DPP10: variants seen among roughly 807,000 people sequenced by gnomAD.
The protein encoded by DPP10 is dipeptidyl peptidase like 10.
Under a neutral mutation model 120.9 loss-of-function variants are expected in DPP10, and 33 were observed. The observed-to-expected ratio is 0.27, with a 90% CI of 0.21 to 0.37. The LOEUF is 0.37. Ranked by LOEUF, DPP10 falls within the 10% of genes least tolerant of loss-of-function variation. DPP10 has a pLI of 1.00. For missense variants in DPP10, 816 were observed against 942.8 expected, an observed-to-expected ratio of 0.87 and a Z score of 1.76; for synonymous variants, 337 against 326.1, an observed-to-expected ratio of 1.03 and a Z score of -0.36.
chr2:115,636,962 G>A (rs1342590322), intron 5 of DPP10, among the ~76,000 whole-genome samples: 2 of 152,130 alleles, frequency 1.3e-5, no homozygotes, highest in African/African-American at 2.4e-5. Flanking sequence ...ACAGCCATTA[G>A]AAACCTAAAT....
At position 115,645,417 on chromosome 2, in the gene DPP10, G is replaced by A. The variant is rs117863609; in HGVS notation, c.442-44270G>A. Among the ~76,000 whole-genome samples the A allele has an allele frequency of 8.1e-3, 1,233 of 152,250 alleles. 30 individuals are homozygous for A. Among genetic ancestry groups the A allele is most frequent in the East Asian group, 0.049 (254 of 5,172 alleles). Reference sequence around the variant, plus strand: ...CTACACCCTCTTTCAGATGAGTCCTGTGATACTCAGGGCTTCCCAATCCCC... The same window carrying A: ...CTACACCCTCTTTCAGATGAGTCCTATGATACTCAGGGCTTCCCAATCCCC... On this transcript the variant is annotated intron_variant, in intron 5 of 25. Transcript: ENST00000410059.
intron 3 of DPP10, among the ~76,000 whole-genome samples, chr2:115,483,889 A>G (rs1208201885): frequency 6.6e-6 from 1 of 152,004 alleles, no homozygotes; most frequent in Non-Finnish European, 1.5e-5. Context: ...TGCTGCCAAC[A>G]TGTTTTTCCC....
intron 7 of DPP10, among the ~76,000 whole-genome samples, chr2:115,718,923 C>T (rs1037312487): frequency 8.6e-5 from 13 of 151,882 alleles, no homozygotes; most frequent in African/African-American, 2.7e-4. Context: ...CACTTCGACC[C>T]GCATAAATCA....
At chr2:115,011,511 A>G (rs1004401795) in intron 1 of DPP10, among the ~76,000 whole-genome samples, 1 of 152,184 alleles carries the variant, frequency 6.6e-6, no homozygotes, top group Admixed American at 6.5e-5. Flanking sequence ...CCATGGTAAT[A>G]TTGTTTGCTC....
At chr2:114,942,320 T>TATATATATAC (rs869121143) in intron 1 of DPP10, among the ~76,000 whole-genome samples, 131 of 123,968 alleles carry the variant, frequency 1.1e-3, no homozygotes, top group African/African-American at 3.6e-3. Context: ...TATATATATA[T>TATATATATAC]ACACACACAT....
chr2:115,793,673 T>G (rs1362947713), intron 19 of DPP10, among the ~76,000 whole-genome samples: 1 of 151,940 alleles, frequency 6.6e-6, no homozygotes, highest in Non-Finnish European at 1.5e-5. Flanking sequence ...CTTTGCTACT[T>G]TTTTGGTTGA....
intron 1 of DPP10, among the ~76,000 whole-genome samples, chr2:115,086,274 C>G (rs979202546): frequency 6.6e-5 from 10 of 152,220 alleles, no homozygotes; most frequent in African/African-American, 1.9e-4. Context: ...GAACTTTGGT[C>G]TCTACGATCT....
Position 115,627,590 on chromosome 2 carries a change from C to T in DPP10, c.442-62097C>T, listed in dbSNP as rs531223934. ...TGTGCAGGTTTGTTACATAGGTAAACGTGTGCTATGGTGGTTTGCTGCACC... is the reference window on the plus strand; with the variant it reads ...TGTGCAGGTTTGTTACATAGGTAAATGTGTGCTATGGTGGTTTGCTGCACC... On this transcript the variant is annotated intron_variant, in intron 5 of 25. Transcript: ENST00000410059. 2.6e-5 allele frequency among the ~76,000 whole-genome samples: 4 copies of T among 152,182 alleles called. No individual in the cohort carries two copies. The East Asian group carries it at 7.7e-4, about 29-fold the overall frequency.
chr2:115,836,689 C>G lies in DPP10; in HGVS notation c.2125C>G (p.His709Asp). Reference protein sequence around the residue: ...ESTYQAASVLHNVHGLKEENI... With the variant: ...ESTYQAASVLDNVHGLKEENI... Reference sequence around the variant, plus strand: ...TCCTTTATAGGCAGCCAGTGTGCTACATAATGTTCATGGCTTGAAAGAAGA... The same window carrying G: ...TCCTTTATAGGCAGCCAGTGTGCTAGATAATGTTCATGGCTTGAAAGAAGA... Residue 709 changes from histidine (H) to aspartate (D), a missense_variant, in exon 24 of 26, where the codon CAT becomes GAT. By Grantham distance (81) the His-to-Asp change is moderately conservative. This residue lies in a region of DPP10 where 592 missense variants were observed against 649.0 expected (regional missense o/e 0.91). Coordinates refer to ENST00000410059, the MANE Select transcript of DPP10 (RefSeq NM_020868.6). 6.2e-7 allele frequency: 1 copy of G among 1,613,552 alleles called. No homozygotes were observed. Among genetic ancestry groups the G allele is most frequent in the Non-Finnish European group, 8.5e-7 (1 of 1,179,726 alleles).
Position 114,698,271 on chromosome 2 carries a change from A to G in DPP10, c.60+255433A>G, listed in dbSNP as rs548980431. On this transcript the variant is annotated intron_variant, in intron 1 of 25. Transcript: ENST00000410059. The stretch of plus-strand genomic sequence containing the variant: ...GCTTCCATATCATAAAAAGAGGCCC[A>G]TAAGGAAAAAAAATGGAGGCCTCTT... 5.3e-5 allele frequency among the ~76,000 whole-genome samples: 8 copies of G among 152,132 alleles called. No individual in the cohort carries two copies. The East Asian group carries it at 1.6e-3, about 30-fold the overall frequency.
chr2:114,628,492 G>T (rs1378064897), intron 1 of DPP10, among the ~76,000 whole-genome samples: 1 of 152,156 alleles, frequency 6.6e-6, no homozygotes, highest in South Asian at 2.1e-4. Context: ...ACTTCATTAA[G>T]ACATAAAGAC....
chr2:114,494,892 G>C (rs977301260), intron 1 of DPP10, among the ~76,000 whole-genome samples: 10 of 152,220 alleles, frequency 6.6e-5, no homozygotes, highest in Middle Eastern at 6.8e-3. Flanking sequence ...CCTTCTCTTT[G>C]GGCCTTTTCA....
At chr2:114,956,802 G>A (rs919495500) in intron 1 of DPP10, among the ~76,000 whole-genome samples, 5 of 152,012 alleles carry the variant, frequency 3.3e-5, no homozygotes, top group Admixed American at 2.6e-4. Flanking sequence ...TGCATTTATG[G>A]TCTATTGATT....
At chr2:114,676,500 T>G (rs1423163100) in intron 1 of DPP10, among the ~76,000 whole-genome samples, 1 of 152,104 alleles carries the variant, frequency 6.6e-6, no homozygotes, top group East Asian at 1.9e-4. Context: ...TACTTTATGT[T>G]TTTTTCCAAA....
chr2:114,855,544 A>G (rs535268305), intron 1 of DPP10, among the ~76,000 whole-genome samples: 15 of 152,322 alleles, frequency 9.8e-5, no homozygotes, highest in Admixed American at 4.6e-4. Flanking sequence ...TGTAGCCTAC[A>G]TATGAACACA....
At chr2:114,577,035 A>T (rs544575678) in intron 1 of DPP10, among the ~76,000 whole-genome samples, 7 of 152,186 alleles carry the variant, frequency 4.6e-5, no homozygotes, top group Non-Finnish European at 1.0e-4. Context: ...ATGGAGAAAA[A>T]TATATGGTAT....
At chr2:115,330,938 G>A (rs370013854) in intron 2 of DPP10, among the ~76,000 whole-genome samples, 12 of 151,998 alleles carry the variant, frequency 7.9e-5, no homozygotes, top group Admixed American at 2.6e-4. Context: ...TGAACTTTAA[G>A]GTAGTTTTTT....
chr2:115,837,916 G>A (rs1261303801), intron 24 of DPP10, among the ~76,000 whole-genome samples: 1 of 151,602 alleles, frequency 6.6e-6, no homozygotes, highest in Admixed American at 6.6e-5. Context: ...ATATAATGTG[G>A]GATTCTGAAT....
chr2:114,805,666 G>A (rs1406521657), intron 1 of DPP10, among the ~76,000 whole-genome samples: 2 of 152,098 alleles, frequency 1.3e-5, no homozygotes, highest in East Asian at 1.9e-4. Flanking sequence ...CTCCCACAAA[G>A]TGCCTCTCAG....
Sources: allele counts gnomAD v4.1 joint callset (sites outside exome capture counted in the v4.1 genomes callset), GRCh38; gene constraint gnomAD v4.1.1; regional missense constraint gnomAD v4.1.1; transcripts MANE v1.5; gene names NCBI Gene and HGNC (gene_info 2026-07-23, HGNC 2026-07-21).